Variants in CLSTN2 observed in about 807,000 individuals in gnomAD.
CLSTN2 encodes the protein calsyntenin 2, also known as calsyntenin-2.
CLSTN2 carries 48 observed loss-of-function variants against 101.2 expected under a neutral mutation model. The ratio of observed to expected loss-of-function variants is 0.47; its 90% confidence interval spans 0.38 to 0.60. The LOEUF is 0.60. Among genes scored for constraint, CLSTN2 ranks in the 20% least tolerant of loss-of-function variants. The pLI, the probability that CLSTN2 is intolerant of heterozygous loss-of-function variation, is 0.00. For synonymous variants in CLSTN2, 481 were observed against 463.6 expected, an observed-to-expected ratio of 1.04 and a Z score of -0.48; for missense variants, 1,160 against 1,238.2, an observed-to-expected ratio of 0.94 and a Z score of 0.95.
chr3:140,266,796 G>T (rs1324976538), intron 2 of CLSTN2, among the ~76,000 whole-genome samples: 1 of 152,128 alleles, frequency 6.6e-6, no homozygotes, highest in African/African-American at 2.4e-5. Context: ...CCAAGCCGTG[G>T]GTCCATTGGT....
intron 1 of CLSTN2, among the ~76,000 whole-genome samples, chr3:139,962,396 AAC>A (rs1935527548): frequency 6.6e-6 from 1 of 152,142 alleles, no homozygotes; most frequent in African/African-American, 2.4e-5. Flanking sequence ...TATGACCTCC[AAC>A]AGTTTTCTAA....
intron 1 of CLSTN2, among the ~76,000 whole-genome samples, chr3:140,160,248 T>A (rs75553704): frequency 0.036 from 5,449 of 152,180 alleles, 127 homozygotes; most frequent in South Asian, 0.076. Flanking sequence ...CTGTAAATAA[T>A]CTTTATTTTC....
intron 5 of CLSTN2, among the ~76,000 whole-genome samples, chr3:140,424,132 A>G (rs969261988): frequency 6.6e-6 from 1 of 152,136 alleles, no homozygotes; most frequent in Non-Finnish European, 1.5e-5. Flanking sequence ...TGAGTTCTTC[A>G]TCCTTAATTT....
chr3:139,945,927 C>G (rs1042642445), intron 1 of CLSTN2, among the ~76,000 whole-genome samples: 34 of 152,232 alleles, frequency 2.2e-4, no homozygotes, highest in African/African-American at 8.2e-4. Context: ...TCTCTAAAAG[C>G]ATATAGTTCA....
intron 1 of CLSTN2, among the ~76,000 whole-genome samples, chr3:140,045,772 T>G (rs148409369): frequency 0.01 from 1,560 of 152,346 alleles, 26 homozygotes; most frequent in African/African-American, 0.034. Flanking sequence ...CATTTCGTTA[T>G]GTACCCAGTA....
In CLSTN2 at chr3:140,509,284, C is replaced by T. The variant is rs578038570; in HGVS notation, c.1345-23040C>T. Among the ~76,000 whole-genome samples the T allele has an allele frequency of 8.5e-5, 13 of 152,324 alleles. No individual in the cohort carries two copies. In the East Asian group the frequency reaches 2.3e-3, roughly 27 times the overall value. ...GTTCCCCACCTTAGCATATTATAGT[C>T]TCTGAGACAGAGGTTCTCAAACTTA... is the stretch of plus-strand genomic sequence containing the variant. On this transcript the variant is annotated intron_variant, in intron 8 of 16. Transcript: ENST00000458420.
chr3:140,430,692 A>G (rs1315316324), intron 5 of CLSTN2, among the ~76,000 whole-genome samples: 1 of 152,224 alleles, frequency 6.6e-6, no homozygotes, highest in Non-Finnish European at 1.5e-5. Context: ...ATGCGTAGCA[A>G]AGCCTTGAAA....
At position 140,532,348 on chromosome 3, in the gene CLSTN2, T is replaced by C. The variant is rs753406649; in HGVS notation, c.1369T>C (p.Tyr457His). ...GATTTGTGACAAAGAGTGGCACTAC[T>C]ATGTCATCAATGTGGAGTTTCCTGT... ...DQICDKEWHY[Y>H]VINVEFPVVT... The change falls in exon 9 of 17, where the codon TAT becomes CAT. Residue 457 changes from tyrosine (Y) to histidine (H), a missense_variant. By Grantham distance (83) the Tyr-to-His change is moderately conservative. Coordinates refer to ENST00000458420, the MANE Select transcript of CLSTN2 (RefSeq NM_022131.3). 5.6e-6 allele frequency: 9 copies of C among 1,609,248 alleles called. No individual in the cohort carries two copies. In the African/African-American group the frequency reaches 6.7e-5, roughly 12 times the overall value.
chr3:140,047,731 G>A (rs549723345), intron 1 of CLSTN2, among the ~76,000 whole-genome samples: 1 of 152,280 alleles, frequency 6.6e-6, no homozygotes, highest in African/African-American at 2.4e-5. Context: ...GCTAGCTCAG[G>A]TCTCTCTTCC....
At chr3:140,215,258 TTC>T (rs1470760304) in intron 2 of CLSTN2, among the ~76,000 whole-genome samples, 2 of 152,180 alleles carry the variant, frequency 1.3e-5, no homozygotes, top group African/African-American at 4.8e-5. Flanking sequence ...TCTTCAATCC[TTC>T]TCTCCTCCCA....
intron 8 of CLSTN2, among the ~76,000 whole-genome samples, chr3:140,476,250 A>G (rs747282687): frequency 2.0e-5 from 3 of 152,240 alleles, no homozygotes; most frequent in Non-Finnish European, 4.4e-5. Context: ...CTTGGGAGAC[A>G]TGATGCAAAG....
chr3:140,121,504 G>GT (rs1041770989), intron 1 of CLSTN2, among the ~76,000 whole-genome samples: 1 of 152,142 alleles, frequency 6.6e-6, no homozygotes, highest in African/African-American at 2.4e-5. Context: ...TCAACATATA[G>GT]TAAGCTTCCT....
At chr3:140,004,115 C>T (rs1032863303) in intron 1 of CLSTN2, among the ~76,000 whole-genome samples, 9 of 152,126 alleles carry the variant, frequency 5.9e-5, no homozygotes, top group Non-Finnish European at 7.3e-5. Flanking sequence ...AAAAAATATG[C>T]ACTCATATTT....
chr3:140,181,695 A>G lies in CLSTN2; in HGVS notation c.232+5622A>G, dbSNP rs1012923334. Among the ~76,000 whole-genome samples, 3 of 88,356 alleles carry G rather than the reference A, an allele frequency of 3.4e-5. No homozygotes were observed. In the East Asian group the frequency reaches 1.1e-3, roughly 31 times the overall value. 58.0% of individuals were successfully genotyped at this position (88,356 alleles called of 152,430 possible). A position where few individuals can be genotyped will look rare whatever the true frequency, so the allele number is the denominator to read the frequency against. ...ATACAGTTTCAGACTGTTGCAAACC[A>G]TGTGTCCTTTTATTACACACACACA... is the stretch of plus-strand genomic sequence containing the variant. On this transcript the variant is annotated intron_variant, in intron 2 of 16. Coordinates refer to ENST00000458420, the MANE Select transcript of CLSTN2 (RefSeq NM_022131.3).
intron 8 of CLSTN2, among the ~76,000 whole-genome samples, chr3:140,502,436 G>A (rs981600547): frequency 2.0e-5 from 3 of 152,212 alleles, no homozygotes; most frequent in Non-Finnish European, 4.4e-5. Context: ...AGCTTGGGGA[G>A]TCTTAGGCAT....
chr3:140,056,443 C>A (rs142096334), intron 1 of CLSTN2, among the ~76,000 whole-genome samples: 6 of 152,302 alleles, frequency 3.9e-5, no homozygotes, highest in Middle Eastern at 3.4e-3. Context: ...CTGGGATGGC[C>A]TTGTCTGTTT....
chr3:140,232,735 C>T (rs541100363), intron 2 of CLSTN2, among the ~76,000 whole-genome samples: 85 of 152,250 alleles, frequency 5.6e-4, no homozygotes, highest in African/African-American at 1.7e-3. Flanking sequence ...ATGAATGGTA[C>T]CAATATCCAC....
rs114233300 is a variant in CLSTN2 at position 140,313,906 on chromosome 3, G to T, written c.233-89723G>T. Among the ~76,000 whole-genome samples the T allele has an allele frequency of 9.3e-3, 1,421 of 152,266 alleles. 20 individuals carry two copies. Among genetic ancestry groups the T allele is most frequent in the African/African-American group, 0.032 (1,314 of 41,550 alleles). ...GTCAAAGTGGAAAAAACAGGAACAGGCCCCACTTTTTGGCGTTGTCCCCTT... is the reference window on the plus strand; with the variant it reads ...GTCAAAGTGGAAAAAACAGGAACAGTCCCCACTTTTTGGCGTTGTCCCCTT... On this transcript the variant is annotated intron_variant, in intron 2 of 16. Coordinates refer to ENST00000458420, the MANE Select transcript of CLSTN2 (RefSeq NM_022131.3).
chr3:140,479,558 C>A (rs192817932), intron 8 of CLSTN2, among the ~76,000 whole-genome samples: 1 of 152,126 alleles, frequency 6.6e-6, no homozygotes, highest in African/African-American at 2.4e-5. Context: ...AAGAAAATAA[C>A]TTTAAAACAG....
Sources: gnomAD v4.1 joint callset for allele counts (sites outside exome capture counted in the v4.1 genomes callset) on GRCh38, gnomAD v4.1.1 for gene constraint, MANE v1.5 for transcripts, NCBI Gene and HGNC (gene_info 2026-07-23, HGNC 2026-07-21) for gene names.